ARHGEF18: variants seen among roughly 807,000 people sequenced by gnomAD.
ARHGEF18 encodes Rho/Rac guanine nucleotide exchange factor 18.
A neutral mutation model predicts 155.7 loss-of-function variants in ARHGEF18; 93 were observed. The observed-to-expected ratio is 0.60, with a 90% CI of 0.50 to 0.71. The LOEUF is 0.71. ARHGEF18 is among the 30% of genes least tolerant of loss of function. The pLI, the probability that ARHGEF18 is intolerant of heterozygous loss-of-function variation, is 0.00. For synonymous variants in ARHGEF18, 742 were observed against 753.1 expected (o/e 0.99, Z 0.24); for missense variants, 1,593 against 1,816.1 (o/e 0.88, Z 2.23).
the ARHGEF18 span, chr19:7,478,423 G>A: frequency 2.5e-6 from 4 of 1,570,722 alleles, no homozygotes; most frequent in African/African-American, 2.7e-5. Context: ...GGGAGCAGGA[G>A]GGTTAGCTCC....
chr19:7,469,776 C>T (rs1034178443), intron 27 of ARHGEF18, 128 bp from the exon 28 acceptor site: 8 of 1,158,656 alleles, frequency 6.9e-6, no homozygotes, highest in South Asian at 1.5e-5. Context: ...GCTCAGGTCA[C>T]GGGATCCAGG....
chr19:7,370,266 C>T (rs572638065), intron 2 of ARHGEF18, among the ~76,000 whole-genome samples: 60 of 152,148 alleles, frequency 3.9e-4, no homozygotes, highest in East Asian at 2.9e-3. Context: ...GAGGCCAAAG[C>T]GGGTGGATCA....
Position 7,462,239 on chromosome 19 carries a change from T to C in ARHGEF18, c.2540T>C (p.Leu847Pro). ...IYLEMAEMGG[L>P]EDLPQPRGLF... ...CTGGAGATGGCCGAGATGGGCGGCC[T>C]CGAAGACCTGCCCCAGCCCCGAGGC... Residue 847 changes from leucine (L) to proline (P), a missense_variant, in exon 21 of 29, where the codon CTC (leucine) becomes CCC (proline). Leu to Pro is a moderately conservative substitution (Grantham distance 98, BLOSUM62 -3). Transcript: ENST00000668164. This position sits in a 1 kb window ranked among gnomAD's most constrained non-coding sequence, Gnocchi z 4.4. 1 of 1,613,880 alleles carries C rather than the reference T, an allele frequency of 6.2e-7. No individual in the cohort carries two copies. The highest frequency in any genetic ancestry group is 8.5e-7 in the Non-Finnish European group (1 of 1,180,022).
chr19:7,354,118 T>TGGGCAACATAGAAGACCCCATCCC (rs1387757510), intron 1 of ARHGEF18, among the ~76,000 whole-genome samples: 3 of 152,056 alleles, frequency 2.0e-5, no homozygotes, highest in Non-Finnish European at 1.5e-5. Flanking sequence ...GAGACCAGCC[T>TGGGCAACATAGAAGACCCCATCCC]GGGCAACATA....
At position 7,366,236 on chromosome 19, in the gene ARHGEF18, G is replaced by A. The variant is rs73923368; in HGVS notation, c.15+3331G>A. ...TGCTGGGATTACAGGCGTGAGCCAC[G>A]GCGCCCAGCCAGCAAGCTGAATAAT... is the stretch of plus-strand genomic sequence containing the variant. On this transcript the variant is annotated intron_variant, in intron 2 of 28. Transcript: ENST00000668164. Among the ~76,000 whole-genome samples the A allele has an allele frequency of 4.0e-3, 601 of 152,150 alleles. 1 individual carries two copies. Among genetic ancestry groups the A allele is most frequent in the Admixed American group, 6.0e-3 (91 of 15,280 alleles).
At chr19:7,367,667 A>G (rs1422969116) in intron 2 of ARHGEF18, among the ~76,000 whole-genome samples, 1 of 148,030 alleles carries the variant, frequency 6.8e-6, no homozygotes, top group Non-Finnish European at 1.5e-5. Flanking sequence ...ACTCACTTGA[A>G]CCCAGGAGGT....
chr19:7,445,434 T>G (rs955672126), intron 14 of ARHGEF18, among the ~76,000 whole-genome samples: 13 of 151,780 alleles, frequency 8.6e-5, no homozygotes, highest in Admixed American at 7.9e-4. Flanking sequence ...GGCAGCAGAG[T>G]AAGACCCCAA....
At chr19:7,466,330 C>G (rs974453421) in intron 23 of ARHGEF18, among the ~76,000 whole-genome samples, 1 of 143,844 alleles carries the variant, frequency 7.0e-6, no homozygotes, top group African/African-American at 2.7e-5. Flanking sequence ...TTTCAGTGAG[C>G]TGAGATCGTG....
chr19:7,425,672 A>G (rs891660363), intron 10 of ARHGEF18, among the ~76,000 whole-genome samples: 7 of 137,050 alleles, frequency 5.1e-5, no homozygotes, highest in African/African-American at 2.0e-4. Flanking sequence ...ACAGAGTGAG[A>G]CTCCGTCTCA....
chr19:7,467,779 A>G, intron 26 of ARHGEF18, 95 bp downstream of exon 26: 2 of 1,267,038 alleles, frequency 1.6e-6, no homozygotes, highest in Non-Finnish European at 2.1e-6. Context: ...TCGCGGGTGC[A>G]TGCGTGCAGG....
rs1970478968 is a variant in ARHGEF18 at position 7,376,770 on chromosome 19, G to A, written c.541+13G>A. The A allele has an allele frequency of 8.1e-7, 1 of 1,232,276 alleles. No individual in the cohort carries two copies. The highest frequency in any genetic ancestry group is 4.1e-5 in the South Asian group (1 of 24,358). 76.3% of individuals were successfully genotyped at this position (1,232,276 alleles called of 1,614,324 possible). On this transcript the variant is annotated intron_variant, in intron 5 of 28. Transcript: ENST00000668164. ...CCACCTGTTCAAGGTAGCCAGCCTG[G>A]GAGTTTCCTTCATTCAAACCAAGTC...
chr19:7,473,710 T>C (rs1318871741), downstream of ARHGEF18, among the ~76,000 whole-genome samples: 2 of 146,494 alleles, frequency 1.4e-5, no homozygotes, highest in Non-Finnish European at 3.0e-5. Flanking sequence ...CTCGGGAGGC[T>C]GAAGCAGGAG....
At chr19:7,358,313 CCATCCATCCATT>C (rs903201354) in intron 1 of ARHGEF18, among the ~76,000 whole-genome samples, 4 of 151,946 alleles carry the variant, frequency 2.6e-5, no homozygotes, top group African/African-American at 9.7e-5. Flanking sequence ...ATCCATCCAA[CCATCCATCCATT>C]CAACATCCAT....
chr19:7,365,165 G>A (rs191184697), intron 2 of ARHGEF18, among the ~76,000 whole-genome samples: 6 of 152,290 alleles, frequency 3.9e-5, no homozygotes, highest in South Asian at 2.1e-4. Context: ...TTGGGAGGCC[G>A]AGGCGGGCAG....
At chr19:7,429,519 C>G (rs1459516333) in intron 10 of ARHGEF18, among the ~76,000 whole-genome samples, 1 of 152,194 alleles carries the variant, frequency 6.6e-6, no homozygotes, top group Non-Finnish European at 1.5e-5. Flanking sequence ...GGGAGAATTG[C>G]TTGAACCCGG....
the ARHGEF18 span, among the ~76,000 whole-genome samples, chr19:7,479,965 T>TA: frequency 1.3e-5 from 2 of 151,946 alleles, no homozygotes; most frequent in African/African-American, 4.8e-5. Context: ...AAAACTGCTC[T>TA]AAAAAAATAA....
In ARHGEF18 at chr19:7,389,702, T is replaced by C. The variant is rs570282071; in HGVS notation, c.967+6499T>C. Among the ~76,000 whole-genome samples the C allele has an allele frequency of 5.1e-4, 78 of 151,790 alleles. 1 individual carries two copies. Among genetic ancestry groups the C allele is most frequent in the Admixed American group, 9.9e-4 (15 of 15,222 alleles). Reference sequence around the variant, plus strand: ...GCGTATGCCACCATGCCTGGCTAATTTTTTGTATTTTTAGTAGAGACAGGG... The same window carrying C: ...GCGTATGCCACCATGCCTGGCTAATCTTTTGTATTTTTAGTAGAGACAGGG... On this transcript the variant is annotated intron_variant, in intron 10 of 28. Transcript: ENST00000668164.
At chr19:7,373,916 C>T (rs1013767522) in intron 3 of ARHGEF18, among the ~76,000 whole-genome samples, 8 of 150,148 alleles carry the variant, frequency 5.3e-5, no homozygotes, top group Non-Finnish European at 1.0e-4. Flanking sequence ...CACACCACCA[C>T]ACCCGGCTAA....
At chr19:7,446,993 C>G in intron 14 of ARHGEF18, 50 bp from the exon 15 acceptor site, 1 of 1,594,874 alleles carries the variant, frequency 6.3e-7, no homozygotes, top group Non-Finnish European at 8.5e-7. Context: ...TGAAAATACT[C>G]TTTGGCAGTT....
Sources: allele counts gnomAD v4.1 joint callset (sites outside exome capture counted in the v4.1 genomes callset), GRCh38; gene constraint gnomAD v4.1.1; non-coding constraint Gnocchi (gnomAD v3.1); transcripts MANE v1.5; gene names NCBI Gene and HGNC (gene_info 2026-07-23, HGNC 2026-07-21).